Variants in FAR2 observed in about 807,000 individuals in gnomAD.
The protein encoded by FAR2 is fatty acyl-CoA reductase 2.
Under a neutral mutation model 56.0 loss-of-function variants are expected in FAR2, and 19 were observed. The ratio of observed to expected loss-of-function variants is 0.34; its 90% CI spans 0.24 to 0.50. The LOEUF (loss-of-function observed/expected upper bound fraction) is 0.50, where lower values mean the gene tolerates loss of function less well. Among genes scored for constraint, FAR2 ranks in the 20% least tolerant of loss-of-function variants. The probability of loss-of-function intolerance (pLI) is 0.98; values close to 1 mark genes in which losing one functional copy is unlikely to be tolerated. For synonymous variants in FAR2, 219 were observed against 218.8 expected, an observed-to-expected ratio of 1.00 and a Z score of -0.01; for missense variants, 508 against 642.2, an observed-to-expected ratio of 0.79 and a Z score of 2.26.
chr12:29,318,088 G>A (rs545438804), intron 9 of FAR2, among the ~76,000 whole-genome samples: 8 of 152,300 alleles, frequency 5.3e-5, no homozygotes, highest in South Asian at 2.1e-4. Context: ...GGCAATTCTC[G>A]TGATCAAGAA....
At chr12:29,241,818 G>A (rs922832461) in intron 1 of FAR2, among the ~76,000 whole-genome samples, 1 of 152,218 alleles carries the variant, frequency 6.6e-6, no homozygotes, top group Non-Finnish European at 1.5e-5. Context: ...GGAGGCAGGA[G>A]CACCTCAGAT....
chr12:29,149,720 C>T (rs1296330930), intron 1 of FAR2, among the ~76,000 whole-genome samples: 2 of 152,234 alleles, frequency 1.3e-5, no homozygotes, highest in Non-Finnish European at 2.9e-5. Context: ...AAGGACCCAG[C>T]AAGGTTAATG....
chr12:29,182,589 A>T lies in FAR2; in HGVS notation c.-39+33182A>T, dbSNP rs57571096. ...AGACAGAAAAGTTCTCCAAGTCCCC[A>T]CCCAACCCAGAAGTCCAGCTGGCTT... is the stretch of plus-strand genomic sequence containing the variant. On this transcript the variant is annotated intron_variant, in intron 1 of 11. Coordinates refer to ENST00000536681, the MANE Select transcript of FAR2 (RefSeq NM_001271783.2). 2.0e-5 allele frequency among the ~76,000 whole-genome samples: 3 copies of T among 152,316 alleles called. No individual in the cohort carries two copies. The East Asian group carries it at 5.8e-4, about 29-fold the overall frequency.
intron 10 of FAR2, chr12:29,332,064 T>G (rs1949738950): frequency 6.4e-6 from 1 of 156,920 alleles, no homozygotes; most frequent in Admixed American, 6.4e-5. Flanking sequence ...CACTCCTTTT[T>G]TCTTTCACTA....
At chr12:29,308,024 C>T in intron 5 of FAR2, 189 bp downstream of exon 5, 1 of 560,362 alleles carries the variant, frequency 1.8e-6, no homozygotes, top group Non-Finnish European at 3.1e-6. Flanking sequence ...TGTGGCTCCT[C>T]TGGCAGTTAT....
At chr12:29,173,959 G>T (rs1233274051) in intron 1 of FAR2, among the ~76,000 whole-genome samples, 6 of 152,108 alleles carry the variant, frequency 3.9e-5, no homozygotes, top group African/African-American at 9.7e-5. Context: ...GAGGACTGAG[G>T]AAGGTCAGAT....
At chr12:29,308,705 C>CATATATATATATATATAT (rs1489134888) in intron 5 of FAR2, among the ~76,000 whole-genome samples, 21 of 132,586 alleles carry the variant, frequency 1.6e-4, no homozygotes, top group African/African-American at 7.1e-4. Flanking sequence ...CACACACACA[C>CATATATATATATATATAT]ACACACACAC....
chr12:29,209,082 TA>T (rs553750318), intron 1 of FAR2, among the ~76,000 whole-genome samples: 2,664 of 136,968 alleles, frequency 0.019, 36 homozygotes, highest in African/African-American at 0.044. Flanking sequence ...GAACTAATCT[TA>T]AAAAAAAAAA....
At chr12:29,329,009 C>G (rs1949691598) in intron 10 of FAR2, among the ~76,000 whole-genome samples, 1 of 152,010 alleles carries the variant, frequency 6.6e-6, no homozygotes, top group South Asian at 2.1e-4. Context: ...AATCCAAGCC[C>G]TAGAATTATT....
chr12:29,289,812 A>G (rs1373578046), intron 2 of FAR2, among the ~76,000 whole-genome samples: 2 of 152,226 alleles, frequency 1.3e-5, no homozygotes, highest in African/African-American at 4.8e-5. Flanking sequence ...ATTAATAACC[A>G]GAATACATAA....
chr12:29,255,310 T>A (rs1948300946), intron 1 of FAR2, among the ~76,000 whole-genome samples: 1 of 152,220 alleles, frequency 6.6e-6, no homozygotes, highest in African/African-American at 2.4e-5. Flanking sequence ...TCCCTCCCTC[T>A]GCTTATGAGG....
intron 1 of FAR2, among the ~76,000 whole-genome samples, chr12:29,187,099 T>G (rs536702799): frequency 3.3e-5 from 5 of 152,330 alleles, no homozygotes; most frequent in African/African-American, 1.2e-4. Flanking sequence ...GGCTTAGTTC[T>G]TATAACTGTT....
At chr12:29,157,300 T>A (rs1949738077) in intron 1 of FAR2, among the ~76,000 whole-genome samples, 1 of 152,000 alleles carries the variant, frequency 6.6e-6, no homozygotes, top group Non-Finnish European at 1.5e-5. Context: ...TAGATCATTT[T>A]GTATCCTTAA....
chr12:29,193,716 G>A (rs936999340), intron 1 of FAR2, among the ~76,000 whole-genome samples: 2 of 152,200 alleles, frequency 1.3e-5, no homozygotes, highest in Non-Finnish European at 2.9e-5. Flanking sequence ...ACATTTGTGT[G>A]CAGGTTTTTG....
rs1948597668 is a variant in FAR2 at position 29,270,503 on chromosome 12, C to A, written c.54C>A (p.Ala18=). Residue 18 remains alanine, a synonymous_variant, in exon 2 of 12, where the codon GCC becomes GCA. Transcript: ENST00000536681. ...YGGKSILITG[A]TGFLGKVLME... is the part of the protein sequence containing the mutation. ...GCAAGTCCATTCTCATCACGGGGGC[C>A]ACAGGCTTTCTGGGCAAAGTGCTGA... 1 of 1,612,462 alleles carries A rather than the reference C, an allele frequency of 6.2e-7. No individual in the cohort carries two copies. The highest frequency in any genetic ancestry group is 1.1e-5 in the South Asian group (1 of 90,872).
At position 29,252,599 on chromosome 12, in the gene FAR2, C is replaced by T. The variant is rs540892136; in HGVS notation, c.-38-17813C>T. 2.6e-5 allele frequency among the ~76,000 whole-genome samples: 4 copies of T among 152,294 alleles called. No homozygotes were observed. In the South Asian group the frequency reaches 8.3e-4, roughly 32 times the overall value. On this transcript the variant is annotated intron_variant, in intron 1 of 11. Transcript: ENST00000536681. ...TATTGTAGTATTTGAGGATTATTAA[C>T]TTTCCATCATAGGATTTAAGTTACA...
chr12:29,175,559 C>T (rs1418086808), intron 1 of FAR2, among the ~76,000 whole-genome samples: 3 of 152,338 alleles, frequency 2.0e-5, no homozygotes, highest in South Asian at 2.1e-4. Flanking sequence ...GGGTGGCCAG[C>T]TTTTATTCCC....
chr12:29,155,955 A>T (rs1264297976), intron 1 of FAR2, among the ~76,000 whole-genome samples: 1 of 152,224 alleles, frequency 6.6e-6, no homozygotes, highest in Non-Finnish European at 1.5e-5. Context: ...GTCCTCAAAC[A>T]TTATTGGCAT....
At chr12:29,244,246 G>A (rs1326826761) in intron 1 of FAR2, among the ~76,000 whole-genome samples, 2 of 152,108 alleles carry the variant, frequency 1.3e-5, no homozygotes, top group East Asian at 3.8e-4. Flanking sequence ...CTGAATTCAG[G>A]AAAGAATGTG....
Sources: gnomAD v4.1 joint callset for allele counts (sites outside exome capture counted in the v4.1 genomes callset) on GRCh38, gnomAD v4.1.1 for gene constraint, MANE v1.5 for transcripts, NCBI Gene and HGNC (gene_info 2026-07-23, HGNC 2026-07-21) for gene names.